GPM6A: variants seen among roughly 807,000 people sequenced by gnomAD.
GPM6A encodes the protein glycoprotein M6A.
A neutral mutation model predicts 32.1 loss-of-function variants in GPM6A; 7 were observed. The ratio of observed to expected loss-of-function variants is 0.22; its 90% confidence interval spans 0.12 to 0.41. The LOEUF is 0.41. Among genes scored for constraint, GPM6A ranks in the 10% least tolerant of loss-of-function variants. The probability of loss-of-function intolerance (pLI) is 1.00; values close to 1 mark genes in which losing one functional copy is unlikely to be tolerated. For missense variants in GPM6A, 235 were observed against 347.2 expected, an observed-to-expected ratio of 0.68 and a Z score of 2.57; for synonymous variants, 130 against 123.4, an observed-to-expected ratio of 1.05 and a Z score of -0.35.
chr4:175,735,376 A>C (rs974323058), intron 1 of GPM6A, among the ~76,000 whole-genome samples: 1 of 152,198 alleles, frequency 6.6e-6, no homozygotes, highest in Non-Finnish European at 1.5e-5. Context: ...GCTATTCCTA[A>C]TTATTGTTAT....
intron 1 of GPM6A, among the ~76,000 whole-genome samples, chr4:175,997,294 A>G (rs1055255394): frequency 6.6e-6 from 1 of 152,110 alleles, no homozygotes; most frequent in South Asian, 2.1e-4. Flanking sequence ...TTAGAACATG[A>G]CTTTTATCTT....
At chr4:175,947,668 G>C (rs1330886158) in intron 1 of GPM6A, 3 of 151,988 alleles carry the variant, frequency 2.0e-5, no homozygotes, top group African/African-American at 7.3e-5. Flanking sequence ...CCAGATGAAT[G>C]GCTAATAGAG....
At chr4:175,797,890 T>C (rs996845916) in intron 1 of GPM6A, among the ~76,000 whole-genome samples, 4 of 152,148 alleles carry the variant, frequency 2.6e-5, no homozygotes, top group African/African-American at 7.2e-5. Flanking sequence ...TGAATCACAA[T>C]TGGGAAAGCT....
intron 6 of GPM6A, among the ~76,000 whole-genome samples, chr4:175,638,760 A>T (rs1351481220): frequency 6.6e-6 from 1 of 152,120 alleles, no homozygotes; most frequent in Non-Finnish European, 1.5e-5. Flanking sequence ...TTGCTTGTAC[A>T]TACCCGTGTC....
intron 1 of GPM6A, among the ~76,000 whole-genome samples, chr4:175,775,530 C>G (rs59173259): frequency 6.6e-6 from 1 of 151,946 alleles, no homozygotes; most frequent in South Asian, 2.1e-4. Context: ...ATTTTTAATC[C>G]TTACCTATCC....
chr4:175,710,790 C>G (rs1233289928), intron 1 of GPM6A, among the ~76,000 whole-genome samples: 2 of 152,134 alleles, frequency 1.3e-5, no homozygotes, highest in Admixed American at 6.5e-5. Flanking sequence ...TATTATTGTT[C>G]TGTAATTTTT....
intron 1 of GPM6A, among the ~76,000 whole-genome samples, chr4:175,825,724 G>C (rs1378888844): frequency 6.6e-6 from 1 of 152,140 alleles, no homozygotes; most frequent in Non-Finnish European, 1.5e-5. Flanking sequence ...TTGTTCGTTA[G>C]AAAGGAAAGA....
chr4:175,898,590 T>C (rs1235112185), intron 1 of GPM6A, among the ~76,000 whole-genome samples: 1 of 152,146 alleles, frequency 6.6e-6, no homozygotes, highest in Non-Finnish European at 1.5e-5. Flanking sequence ...GATGTGACTG[T>C]CTGTTTCCAT....
chr4:175,721,511 T>C (rs746365550), intron 1 of GPM6A, among the ~76,000 whole-genome samples: 8 of 151,844 alleles, frequency 5.3e-5, no homozygotes, highest in Non-Finnish European at 1.2e-4. Context: ...ATTTAACAAC[T>C]TCATTAAGAG....
intron 3 of GPM6A, among the ~76,000 whole-genome samples, chr4:175,652,629 T>C (rs546787636): frequency 2.3e-4 from 35 of 152,008 alleles, no homozygotes; most frequent in Admixed American, 5.3e-4. Flanking sequence ...GCTTTAAAAA[T>C]ACATTTCAGA....
intron 1 of GPM6A, among the ~76,000 whole-genome samples, chr4:175,777,207 T>A (rs1019248160): frequency 6.6e-6 from 1 of 152,164 alleles, no homozygotes; most frequent in African/African-American, 2.4e-5. Context: ...GTTCTGGCAA[T>A]AACTAGCTAT....
At chr4:175,827,881 G>T (rs1735488350) in intron 1 of GPM6A, among the ~76,000 whole-genome samples, 1 of 152,274 alleles carries the variant, frequency 6.6e-6, no homozygotes, top group Middle Eastern at 3.4e-3. Flanking sequence ...ACATTAGTCT[G>T]CTTCTTCCTC....
intron 1 of GPM6A, among the ~76,000 whole-genome samples, chr4:175,853,225 A>C (rs1265438965): frequency 1.3e-5 from 2 of 152,138 alleles, no homozygotes; most frequent in Non-Finnish European, 2.9e-5. Context: ...ATCCTTAATA[A>C]CTAATACATA....
intron 1 of GPM6A, among the ~76,000 whole-genome samples, chr4:175,749,313 G>T (rs1206344645): frequency 6.6e-6 from 1 of 152,070 alleles, no homozygotes; most frequent in African/African-American, 2.4e-5. Context: ...GAAAAAGTTT[G>T]AAATATTGTG....
intron 1 of GPM6A, among the ~76,000 whole-genome samples, chr4:175,990,640 G>T (rs1157710554): frequency 1.4e-5 from 2 of 144,386 alleles, no homozygotes; most frequent in Non-Finnish European, 3.0e-5. Context: ...TGGGGGTGAA[G>T]TAGTTTTTTT....
chr4:175,784,622 T>C (rs1418907108), intron 1 of GPM6A, among the ~76,000 whole-genome samples: 1 of 152,096 alleles, frequency 6.6e-6, no homozygotes, highest in Non-Finnish European at 1.5e-5. Flanking sequence ...GTAAATAAAA[T>C]AATGAATGTG....
intron 1 of GPM6A, among the ~76,000 whole-genome samples, chr4:175,704,663 T>C (rs1326287355): frequency 6.6e-6 from 1 of 152,196 alleles, no homozygotes; most frequent in Admixed American, 6.5e-5. Context: ...AGCCTCATGA[T>C]TTTAAATCCT....
chr4:175,957,988 G>A (rs933952293), intron 1 of GPM6A, among the ~76,000 whole-genome samples: 6 of 152,172 alleles, frequency 3.9e-5, no homozygotes, highest in Admixed American at 3.9e-4. Flanking sequence ...CACTTCCCGG[G>A]TTCAAACAAT....
intron 1 of GPM6A, among the ~76,000 whole-genome samples, chr4:175,838,317 C>T (rs1026619171): frequency 2.0e-5 from 3 of 149,534 alleles, no homozygotes; most frequent in African/African-American, 4.9e-5. Context: ...ATCATCCAAG[C>T]GTCAGACAGT....
Sources: gnomAD v4.1 joint callset for allele counts (sites outside exome capture counted in the v4.1 genomes callset) on GRCh38, gnomAD v4.1.1 for gene constraint, MANE v1.5 for transcripts, NCBI Gene and HGNC (gene_info 2026-07-23, HGNC 2026-07-21) for gene names.